C4orf50: variants seen among roughly 807,000 people sequenced by gnomAD.
C4orf50 encodes uncharacterized protein C4orf50.
Under a neutral mutation model 77.2 loss-of-function variants are expected in C4orf50, and 80 were observed. The ratio of observed to expected loss-of-function variants is 1.04; its 90% confidence interval spans 0.87 to 1.25. The LOEUF (loss-of-function observed/expected upper bound fraction) is 1.25. Ranked by LOEUF, C4orf50 falls within the 50% of genes most tolerant of loss-of-function variation. The probability of loss-of-function intolerance (pLI) is 0.00; values close to 1 mark genes in which losing one functional copy is unlikely to be tolerated. For synonymous variants in C4orf50, 532 were observed against 465.3 expected (o/e 1.14, Z -1.84); for missense variants, 1,257 against 1,152.9 (o/e 1.09, Z -1.31).
chr4:5,918,276 C>T (rs1265887671), intron 7 of C4orf50, among the ~76,000 whole-genome samples: 1 of 152,222 alleles, frequency 6.6e-6, no homozygotes, highest in Non-Finnish European at 1.5e-5. Flanking sequence ...TCACACCTCA[C>T]GTCCCATTTC....
At chr4:6,014,959 C>T (rs1722628639) in intron 23 of C4orf50, among the ~76,000 whole-genome samples, 2 of 152,200 alleles carry the variant, frequency 1.3e-5, no homozygotes, top group African/African-American at 4.8e-5. Flanking sequence ...GTCTTTCCCT[C>T]CCCCATGGAG....
intron 7 of C4orf50, among the ~76,000 whole-genome samples, chr4:5,927,945 A>G (rs1236465882): frequency 6.6e-6 from 1 of 152,030 alleles, no homozygotes; most frequent in African/African-American, 2.4e-5. Context: ...CAGAACCCCC[A>G]TGTGCCCTGC....
chr4:5,928,889 A>C (rs1717638089), intron 7 of C4orf50, among the ~76,000 whole-genome samples: 1 of 152,230 alleles, frequency 6.6e-6, no homozygotes, highest in Non-Finnish European at 1.5e-5. Context: ...TGTGCTTTCA[A>C]CAAAATTGAG....
At chr4:5,983,937 G>A (rs765573204) in intron 28 of C4orf50, among the ~76,000 whole-genome samples, 2 of 152,210 alleles carry the variant, frequency 1.3e-5, no homozygotes, top group African/African-American at 4.8e-5. Context: ...TCTAAGCCTT[G>A]CAAAGAACAG....
At chr4:6,003,753 G>A (rs1317109341) in intron 25 of C4orf50, among the ~76,000 whole-genome samples, 1 of 147,610 alleles carries the variant, frequency 6.8e-6, no homozygotes, top group African/African-American at 2.5e-5. Flanking sequence ...TGGTGATGGT[G>A]ATGATGTGAT....
rs749363492 is a variant in C4orf50, at chr4:6,000,851, T to C, written c.964-6375A>G. 2.6e-4 allele frequency among the ~76,000 whole-genome samples: 39 copies of C among 152,148 alleles called. No individual in the cohort carries two copies. Among genetic ancestry groups the C allele is most frequent in the Non-Finnish European group, 4.6e-4 (31 of 68,028 alleles). ...AAGGGCAAATCCTGGTCCCACCATA[T>C]TACCGTCTGAATTTTCATGTCCCCC... On this transcript the variant is annotated intron_variant, in intron 25 of 33. Transcript: ENST00000531445. The surrounding 1 kb of genome is among the most constrained non-coding windows in gnomAD (Gnocchi z 6.0).
intron 7 of C4orf50, among the ~76,000 whole-genome samples, chr4:5,911,287 T>G (rs1475718940): frequency 6.6e-6 from 1 of 152,166 alleles, no homozygotes; most frequent in African/African-American, 2.4e-5. Context: ...CGAGTATCTG[T>G]GGTGGATGGT....
At chr4:5,989,251 C>A in exon 28 of C4orf50, 1 of 1,535,990 alleles carries the variant, frequency 6.5e-7, no homozygotes, top group Non-Finnish European at 8.7e-7. Flanking sequence ...TTTCTTCAAT[C>A]CAGAAATGAG....
At chr4:5,909,427 T>C (rs760190374) in intron 7 of C4orf50, among the ~76,000 whole-genome samples, 4 of 152,272 alleles carry the variant, frequency 2.6e-5, no homozygotes, top group Non-Finnish European at 5.9e-5. Context: ...GTTGGATGTA[T>C]AGTTTGCAAA....
At chr4:5,907,556 C>T (rs563306765) in intron 7 of C4orf50, among the ~76,000 whole-genome samples, 19 of 152,168 alleles carry the variant, frequency 1.2e-4, no homozygotes, top group Non-Finnish European at 2.1e-4. Flanking sequence ...TCTCTACAGG[C>T]GAGCTAAACA....
rs114835864 is a variant in C4orf50, at chr4:6,015,563, G to C, written c.287+2582C>G. 5.2e-3 allele frequency among the ~76,000 whole-genome samples: 794 copies of C among 152,086 alleles called. 11 individuals are homozygous for C. The highest frequency in any genetic ancestry group is 0.018 in the African/African-American group (752 of 41,498). The stretch of plus-strand genomic sequence containing the variant: ...CAGGGCCACTGTCTATGTGGAGTTT[G>C]CCCATTCTCCCCATGTCTGTGTGGG... On this transcript the variant is annotated intron_variant, in intron 23 of 33. Transcript: ENST00000531445. This position sits in a 1 kb window ranked among gnomAD's most constrained non-coding sequence, Gnocchi z 4.4.
At chr4:5,928,830 T>G (rs927611620) in intron 7 of C4orf50, among the ~76,000 whole-genome samples, 1 of 152,220 alleles carries the variant, frequency 6.6e-6, no homozygotes, top group Non-Finnish European at 1.5e-5. Flanking sequence ...TAGAGATATT[T>G]GGTGAAAGAG....
intron 29 of C4orf50, among the ~76,000 whole-genome samples, chr4:5,979,063 C>T (rs559742400): frequency 3.2e-4 from 49 of 152,150 alleles, no homozygotes; most frequent in Admixed American, 9.8e-4. Flanking sequence ...TTCAGGATAA[C>T]GAGTTATGGG....
chr4:5,995,474 A>AACAC (rs55858229), intron 25 of C4orf50, among the ~76,000 whole-genome samples: 14,203 of 133,904 alleles, frequency 0.11, 942 homozygotes, highest in Non-Finnish European at 0.14. Flanking sequence ...TGGGACTGGA[A>AACAC]ACACACACAC....
intron 7 of C4orf50, chr4:5,903,667 T>C (rs79539280): frequency 7.9e-5 from 12 of 152,246 alleles, no homozygotes; most frequent in African/African-American, 2.6e-4. Context: ...GAATCTTTCA[T>C]GAATATGGTG....
At chr4:6,012,883 T>C (rs957801380) in intron 23 of C4orf50, among the ~76,000 whole-genome samples, 18 of 152,304 alleles carry the variant, frequency 1.2e-4, no homozygotes, top group African/African-American at 3.4e-4. Context: ...ATAGAAACCA[T>C]GATACACGTG....
intron 7 of C4orf50, among the ~76,000 whole-genome samples, chr4:5,937,580 T>G (rs1718081853): frequency 6.6e-6 from 1 of 152,172 alleles, no homozygotes; most frequent in African/African-American, 2.4e-5. Context: ...ATGATATACA[T>G]ATATCAGTTA....
At chr4:5,914,760 T>C (rs1353580818) in intron 7 of C4orf50, among the ~76,000 whole-genome samples, 1 of 152,224 alleles carries the variant, frequency 6.6e-6, no homozygotes, top group East Asian at 1.9e-4. Context: ...GTACTTGATC[T>C]CACTTGGACA....
intron 29 of C4orf50, among the ~76,000 whole-genome samples, chr4:5,976,879 C>G (rs941998263): frequency 6.6e-6 from 1 of 152,252 alleles, no homozygotes. Flanking sequence ...CTATCACCTT[C>G]CCTCAGATCT....
Sources: allele counts gnomAD v4.1 joint callset (sites outside exome capture counted in the v4.1 genomes callset), GRCh38; gene constraint gnomAD v4.1.1; non-coding constraint Gnocchi (gnomAD v3.1); transcripts MANE v1.5; gene names NCBI Gene and HGNC (gene_info 2026-07-23, HGNC 2026-07-21).